Variants in DPP6 observed in about 807,000 individuals in gnomAD.
The protein encoded by DPP6 is dipeptidyl peptidase like 6.
A neutral mutation model predicts 122.6 loss-of-function variants in DPP6; 69 were observed. The ratio of observed to expected loss-of-function variants is 0.56; its 90% CI spans 0.46 to 0.69. The LOEUF is 0.69. Ranked by LOEUF, DPP6 falls within the 30% of genes least tolerant of loss-of-function variation. The pLI is 0.00. For synonymous variants in DPP6, 418 were observed against 433.1 expected (o/e 0.97, Z 0.43); for missense variants, 928 against 1,116.9 (o/e 0.83, Z 2.41).
In DPP6 at chr7:154,483,927, T is replaced by C. The variant is rs185682342; in HGVS notation, c.457+8890T>C. ...TCAGGCTGGTCTTGAACTCCTGACCTCGTGATCTGCCCGCCTCAGCCTCCC... is the reference window on the plus strand; with the variant it reads ...TCAGGCTGGTCTTGAACTCCTGACCCCGTGATCTGCCCGCCTCAGCCTCCC... On this transcript the variant is annotated intron_variant, in intron 3 of 25. Transcript: ENST00000377770. The surrounding 1 kb of genome is among the most constrained non-coding windows in gnomAD (Gnocchi z 8.1). Among the ~76,000 whole-genome samples the C allele has an allele frequency of 1.2e-4, 18 of 152,282 alleles. 1 individual carries two copies. In the East Asian group the frequency reaches 3.5e-3, roughly 29 times the overall value.
chr7:153,784,936 G>A, the DPP6 span, among the ~76,000 whole-genome samples: 3 of 152,172 alleles, frequency 2.0e-5, no homozygotes, highest in African/African-American at 7.2e-5. Context: ...CTCTTTTGTA[G>A]CATTTAGCTA....
At chr7:154,202,382 G>A (rs1012904679) in intron 1 of DPP6, among the ~76,000 whole-genome samples, 1 of 152,208 alleles carries the variant, frequency 6.6e-6, no homozygotes, top group Non-Finnish European at 1.5e-5. Flanking sequence ...TACCGGAACA[G>A]TGGTAAGGAT....
chr7:154,385,386 CAG>C (rs964868958), intron 1 of DPP6, among the ~76,000 whole-genome samples: 3 of 152,300 alleles, frequency 2.0e-5, no homozygotes, highest in African/African-American at 7.2e-5. Flanking sequence ...GACAAGCTGA[CAG>C]GGGTGGGACT....
At chr7:154,066,638 G>A (rs71530501) in intron 1 of DPP6, among the ~76,000 whole-genome samples, 13,016 of 151,626 alleles carry the variant, frequency 0.086, 587 homozygotes, top group Middle Eastern at 0.17. Context: ...AAGAGTAGGA[G>A]CGAAGAAAGT....
chr7:154,827,655 G>A (rs1016982998), intron 16 of DPP6, among the ~76,000 whole-genome samples: 1 of 146,766 alleles, frequency 6.8e-6, no homozygotes, highest in South Asian at 2.3e-4. Context: ...CAGAAAGGAC[G>A]GCTGGCAGGG....
chr7:154,235,107 A>G (rs1260658621), intron 1 of DPP6, among the ~76,000 whole-genome samples: 1 of 152,234 alleles, frequency 6.6e-6, no homozygotes, highest in Non-Finnish European at 1.5e-5. Flanking sequence ...GAATTGTGTA[A>G]TCATCACCAC....
intron 1 of DPP6, among the ~76,000 whole-genome samples, chr7:153,957,105 GGT>G (rs1255411463): frequency 6.6e-6 from 1 of 152,206 alleles, no homozygotes; most frequent in Non-Finnish European, 1.5e-5. Flanking sequence ...TCCTGCCACT[GGT>G]GATGTTCTAT....
chr7:154,121,383 C>T (rs1445092242), intron 1 of DPP6, among the ~76,000 whole-genome samples: 4 of 152,100 alleles, frequency 2.6e-5, no homozygotes, highest in Non-Finnish European at 5.9e-5. Context: ...GATCTTTCTT[C>T]CTTCTTAATA....
intron 1 of DPP6, among the ~76,000 whole-genome samples, chr7:154,216,163 C>T (rs556193180): frequency 2.4e-4 from 36 of 152,280 alleles, no homozygotes; most frequent in South Asian, 1.0e-3. Flanking sequence ...CCCCACGGGA[C>T]GCATTGAGTG....
chr7:154,508,949 G>A (rs937105302), intron 3 of DPP6, among the ~76,000 whole-genome samples: 1 of 152,030 alleles, frequency 6.6e-6, no homozygotes, highest in African/African-American at 2.4e-5. Flanking sequence ...AATGAAGTTG[G>A]ACCCTTACCT....
At chr7:153,765,704 G>A in the DPP6 span, among the ~76,000 whole-genome samples, 1 of 152,172 alleles carries the variant, frequency 6.6e-6, no homozygotes, top group Non-Finnish European at 1.5e-5. Context: ...CAGAGTAGTG[G>A]AGGACACAGC....
chr7:154,244,612 A>G (rs1176559713), intron 1 of DPP6, among the ~76,000 whole-genome samples: 1 of 152,190 alleles, frequency 6.6e-6, no homozygotes, highest in African/African-American at 2.4e-5. Context: ...GTTTATGTAA[A>G]TTGATATAAT....
intron 1 of DPP6, among the ~76,000 whole-genome samples, chr7:154,407,680 AAAG>A (rs1430243545): frequency 6.6e-6 from 1 of 152,242 alleles, no homozygotes; most frequent in Non-Finnish European, 1.5e-5. Flanking sequence ...CTTTAAAATA[AAAG>A]AAGACTTAGA....
At chr7:154,063,430 C>G (rs1169182071) in intron 1 of DPP6, among the ~76,000 whole-genome samples, 1 of 130,210 alleles carries the variant, frequency 7.7e-6, no homozygotes, top group Non-Finnish European at 1.7e-5. Flanking sequence ...TGTTGGTACC[C>G]CCATCGCAAG....
At chr7:154,467,234 T>A (rs1821863276) in intron 2 of DPP6, among the ~76,000 whole-genome samples, 1 of 152,124 alleles carries the variant, frequency 6.6e-6, no homozygotes, top group South Asian at 2.1e-4. Context: ...AGCTGAGTAG[T>A]TTTATAAGCA....
At chr7:154,590,834 G>A (rs932732214) in intron 5 of DPP6, among the ~76,000 whole-genome samples, 8 of 151,864 alleles carry the variant, frequency 5.3e-5, no homozygotes, top group African/African-American at 9.7e-5. Context: ...ACGCCCAGCC[G>A]ATACTATTTT....
intron 1 of DPP6, among the ~76,000 whole-genome samples, chr7:153,970,522 T>A (rs1795970495): frequency 6.6e-6 from 1 of 152,236 alleles, no homozygotes. Flanking sequence ...TCAACTTTTT[T>A]CTTTTGTGAT....
At chr7:154,141,891 T>A (rs1259144301) in intron 1 of DPP6, among the ~76,000 whole-genome samples, 2 of 152,212 alleles carry the variant, frequency 1.3e-5, no homozygotes, top group East Asian at 3.8e-4. Context: ...AATGATCAAT[T>A]TGCTTATGTT....
chr7:153,758,447 G>A, the DPP6 span, among the ~76,000 whole-genome samples: 1 of 151,504 alleles, frequency 6.6e-6, no homozygotes, highest in Non-Finnish European at 1.5e-5. Context: ...AAAACGCCAC[G>A]GTCAAGGCAA....
Sources: gnomAD v4.1 joint callset for allele counts (sites outside exome capture counted in the v4.1 genomes callset) on GRCh38, gnomAD v4.1.1 for gene constraint, Gnocchi (gnomAD v3.1) non-coding constraint, MANE v1.5 for transcripts, NCBI Gene and HGNC (gene_info 2026-07-23, HGNC 2026-07-21) for gene names.